The following HIP1R variants were observed in gnomAD, a reference collection of about 807,000 sequenced individuals.
HIP1R encodes the protein huntingtin-interacting protein 1-related protein.
In HIP1R, 135 loss-of-function variants were observed where a neutral mutation model predicts 144.2. The ratio of observed to expected loss-of-function variants is 0.94; its 90% CI spans 0.81 to 1.08. The LOEUF (loss-of-function observed/expected upper bound fraction) is 1.08. HIP1R is among the 50% of genes least tolerant of loss of function. The pLI is 0.00. For synonymous variants in HIP1R, 698 were observed against 612.8 expected (o/e 1.14, Z -2.05); for missense variants, 1,462 against 1,432.8 (o/e 1.02, Z -0.33).
At position 122,860,167 on chromosome 12, in the gene HIP1R, C is replaced by G; in HGVS notation, c.2516C>G (p.Thr839Arg). ...CGGCAGGCTATCCGGCTCCTGGTGA[C>G]GACATCCACTAGCCTGCAGAAGGAG... ...DLMKAIRLLV[T>R]TSTSLQKEIV... The change falls in exon 26 of 32, where the codon ACG (threonine) becomes AGG (arginine). Residue 839 changes from threonine (T) to arginine (R), a missense_variant. By Grantham distance (71) the Thr-to-Arg change is moderately conservative. Coordinates refer to ENST00000253083, the MANE Select transcript of HIP1R (RefSeq NM_003959.3). 6.4e-7 allele frequency: 1 copy of G among 1,573,588 alleles called. No homozygotes were observed. Among genetic ancestry groups the G allele is most frequent in the South Asian group, 1.2e-5 (1 of 86,864 alleles).
At chr12:122,843,705 C>T (rs984229328) in intron 1 of HIP1R, among the ~76,000 whole-genome samples, 5 of 152,100 alleles carry the variant, frequency 3.3e-5, no homozygotes, top group African/African-American at 4.8e-5. Context: ...GTGTGGACTC[C>T]GAGGATTTTT....
In HIP1R at chr12:122,859,783, C is replaced by T. The variant is rs1490464810; in HGVS notation, c.2418C>T (p.Asn806=). 1 of 1,612,944 alleles carries T rather than the reference C, an allele frequency of 6.2e-7. No homozygotes were observed. The highest frequency in any genetic ancestry group is 8.5e-7 in the Non-Finnish European group (1 of 1,179,808). The change falls in exon 24 of 32, where the codon AAC becomes AAT. Residue 806 remains asparagine, a synonymous_variant. Coordinates refer to ENST00000253083, the MANE Select transcript of HIP1R (RefSeq NM_003959.3). ...DAVRRIEDMM[N]QARHASSGVK... ...GTTCTTGGGTGCAGGACATGATGAA[C>T]CAGGCACGCCACGCCAGCTCGGGGG...
intron 7 of HIP1R, chr12:122,853,783 GGTGGA>G: frequency 5.1e-6 from 2 of 393,586 alleles, no homozygotes; most frequent in Non-Finnish European, 9.0e-6. Context: ...TGGGCTCCCA[GGTGGA>G]GGTCTCTGGA....
intron 27 of HIP1R, 35 bp from the exon 28 acceptor site, chr12:122,860,644 A>G: frequency 1.9e-6 from 3 of 1,595,046 alleles, no homozygotes; most frequent in Non-Finnish European, 2.6e-6. Context: ...CCGTGGGGTC[A>G]GAGACCCTGG....
At chr12:122,849,353 C>A (rs1429588204) in intron 4 of HIP1R, among the ~76,000 whole-genome samples, 1 of 152,248 alleles carries the variant, frequency 6.6e-6, no homozygotes, top group Non-Finnish European at 1.5e-5. Flanking sequence ...CTGTGGGGTG[C>A]TCGTCTGCCT....
rs1025093452 is a variant in HIP1R at position 122,836,537 on chromosome 12, A to G, written c.93+894A>G. Among the ~76,000 whole-genome samples the G allele has an allele frequency of 6.6e-6, 1 of 152,108 alleles. No individual in the cohort carries two copies. The highest frequency in any genetic ancestry group is 1.5e-5 in the Non-Finnish European group (1 of 68,012). On this transcript the variant is annotated intron_variant, in intron 1 of 31. Coordinates refer to ENST00000253083, the MANE Select transcript of HIP1R (RefSeq NM_003959.3). This position sits in a 1 kb window ranked among gnomAD's most constrained non-coding sequence, Gnocchi z 4.1. ...TGCTTTTTATTTTACAAACTCTTGAAGTGCTCTCAGGCTTGGGGGATGGGC... is the reference window on the plus strand; with the variant it reads ...TGCTTTTTATTTTACAAACTCTTGAGGTGCTCTCAGGCTTGGGGGATGGGC...
chr12:122,856,305 CAGTG>C lies in HIP1R; in HGVS notation c.1365_1368del (p.Glu456SerfsTer19). 1 of 1,613,914 alleles carries C rather than the reference CAGTG, an allele frequency of 6.2e-7. No individual in the cohort carries two copies. The highest frequency in any genetic ancestry group is 8.5e-7 in the Non-Finnish European group (1 of 1,180,020). On this transcript the variant is annotated frameshift_variant, in exon 15 of 32. Transcript: ENST00000253083. LOFTEE classifies it high-confidence loss of function. Reference sequence around the variant, plus strand: ...GCTACAACAAGCTGAAGGAAAAGCACAGTGAGCTCGTCCATGTGCACGCGGAGCT... The same window carrying C: ...GCTACAACAAGCTGAAGGAAAAGCACAGCTCGTCCATGTGCACGCGGAGCT...
rs996280192 is a variant in HIP1R at position 122,862,675 on chromosome 12, T to G, written c.*922T>G. ...GGCTAGAGTGGGCTAGGCCCTGGCTTTGCCCGTCAGATTTGAACGAATGTG... is the reference window on the plus strand; with the variant it reads ...GGCTAGAGTGGGCTAGGCCCTGGCTGTGCCCGTCAGATTTGAACGAATGTG... On this transcript the variant is annotated 3_prime_UTR_variant, in exon 32 of 32. Coordinates refer to ENST00000253083, the MANE Select transcript of HIP1R (RefSeq NM_003959.3). The G allele has an allele frequency of 6.6e-6, 1 of 151,820 alleles. No homozygotes were observed. The highest frequency in any genetic ancestry group is 1.5e-5 in the Non-Finnish European group (1 of 67,950). The allele number at this position is 151,820 out of a possible 1,614,324, so 9.4% of individuals were successfully genotyped here.
Position 122,836,598 on chromosome 12 carries a change from A to G in HIP1R, c.93+955A>G, listed in dbSNP as rs1367735126. Among the ~76,000 whole-genome samples, 1 of 152,180 alleles carries G rather than the reference A, an allele frequency of 6.6e-6. No homozygotes were observed. The highest frequency in any genetic ancestry group is 1.5e-5 in the Non-Finnish European group (1 of 68,030). ...GGCATACTTGTTTATTTGCCAAAAT[A>G]AGTCAACCAAGACTGAAATGGCTGA... On this transcript the variant is annotated intron_variant, in intron 1 of 31. Transcript: ENST00000253083. This position sits in a 1 kb window ranked among gnomAD's most constrained non-coding sequence, Gnocchi z 4.1.
chr12:122,851,437 T>A, intron 7 of HIP1R, 140 bp downstream of exon 7: 1 of 624,246 alleles, frequency 1.6e-6, no homozygotes, highest in Middle Eastern at 5.1e-4. Context: ...GTGGCTCACA[T>A]CTGTAATCCC....
chr12:122,851,053 G>A, intron 6 of HIP1R, 142 bp downstream of exon 6: 4 of 883,536 alleles, frequency 4.5e-6, no homozygotes, highest in South Asian at 3.1e-5. Context: ...ACGCTCCCAG[G>A]GACAGAGGGT....
intron 18 of HIP1R, chr12:122,857,854 T>C: frequency 2.4e-6 from 1 of 410,372 alleles, no homozygotes; most frequent in African/African-American, 2.0e-5. Context: ...TTTCATGAGC[T>C]ACCTGGCCAT....
In HIP1R at chr12:122,849,937, G is replaced by A. The variant is rs1160765541; in HGVS notation, c.420G>A (p.Lys140=). The A allele has an allele frequency of 1.9e-6, 3 of 1,613,406 alleles. No individual in the cohort carries two copies. In the East Asian group the frequency reaches 6.7e-5, roughly 36 times the overall value. ...TCTACACCAAGCTGCTGCTGACCAA[G>A]ATCTCCTTCCACCTCAAGGTGGTTT... ...VNVYTKLLLT[K]ISFHLKHPQF... Residue 140 remains lysine, a synonymous_variant, in exon 5 of 32, where the codon AAG becomes AAA. Coordinates refer to ENST00000253083, the MANE Select transcript of HIP1R (RefSeq NM_003959.3).
chr12:122,855,791 C>G (rs765025159), intron 12 of HIP1R, 40 bp from the exon 13 acceptor site: 13 of 1,546,276 alleles, frequency 8.4e-6, no homozygotes, highest in South Asian at 1.2e-5. Flanking sequence ...GTTGACTGTT[C>G]TGGTTGACTT....
chr12:122,848,788 C>T lies in HIP1R; in HGVS notation c.301-8C>T, dbSNP rs778524497. The T allele has an allele frequency of 1.1e-5, 17 of 1,613,038 alleles. No homozygotes were observed. Among genetic ancestry groups the T allele is most frequent in the East Asian group, 2.2e-5 (1 of 44,894 alleles). ...CACTCCCCCACTCCCGTATTCCCTG[C>T]GCTGCAGGTGCTGCATGACTGCCAG... On this transcript the variant is annotated splice_region_variant and splice_polypyrimidine_tract_variant and intron_variant, in intron 3 of 31. Coordinates refer to ENST00000253083, the MANE Select transcript of HIP1R (RefSeq NM_003959.3).
Position 122,861,694 on chromosome 12 carries a change from T to TA in HIP1R, c.3160-10dup. The TA allele has an allele frequency of 6.2e-7, 1 of 1,614,054 alleles. No homozygotes were observed. The highest frequency in any genetic ancestry group is 1.1e-5 in the South Asian group (1 of 91,082). On this transcript the variant is annotated splice_polypyrimidine_tract_variant and intron_variant, in intron 31 of 31. Coordinates refer to ENST00000253083, the MANE Select transcript of HIP1R (RefSeq NM_003959.3). ...GCTGTGACCACTGACCCCCCACCTT[T>TA]AACCCCTGCAGCTTGACAAAAAGGA... is the stretch of plus-strand genomic sequence containing the variant.
At position 122,861,941 on chromosome 12, in the gene HIP1R, T is replaced by C. The variant is rs936866858; in HGVS notation, c.*188T>C. 1.4e-5 allele frequency: 8 copies of C among 559,678 alleles called. No homozygotes were observed. Among genetic ancestry groups the C allele is most frequent in the African/African-American group, 1.3e-4 (7 of 52,504 alleles). 34.7% of individuals were successfully genotyped at this position (559,678 alleles called of 1,614,324 possible). A position where few individuals can be genotyped will look rare whatever the true frequency, so the allele number is the denominator to read the frequency against. On this transcript the variant is annotated 3_prime_UTR_variant, in exon 32 of 32. Transcript: ENST00000253083. ...TCCTGGGCCATGTGGGTGGTGCTTCTGGATGTGAGTCTCTTATTTATCTGC... is the reference window on the plus strand; with the variant it reads ...TCCTGGGCCATGTGGGTGGTGCTTCCGGATGTGAGTCTCTTATTTATCTGC...
At chr12:122,845,925 A>G (rs2033195759) in intron 1 of HIP1R, among the ~76,000 whole-genome samples, 1 of 152,122 alleles carries the variant, frequency 6.6e-6, no homozygotes, top group African/African-American at 2.4e-5. Flanking sequence ...CTCTGCTTCT[A>G]GGGTCCCTAT....
chr12:122,835,095 CCCCTA>C, upstream of HIP1R: 7 of 968,032 alleles, frequency 7.2e-6, no homozygotes, highest in Non-Finnish European at 7.1e-6. Context: ...CCTCCCCCTT[CCCCTA>C]CCCTCCCCTC....
Sources: allele counts gnomAD v4.1 joint callset (sites outside exome capture counted in the v4.1 genomes callset), GRCh38; gene constraint gnomAD v4.1.1; non-coding constraint Gnocchi (gnomAD v3.1); transcripts MANE v1.5; gene names NCBI Gene and HGNC (gene_info 2026-07-23, HGNC 2026-07-21).